Variants in PSD3 observed in about 807,000 individuals in gnomAD.
PSD3 encodes pleckstrin and Sec7 domain containing 3.
PSD3 carries 49 observed loss-of-function variants against 105.5 expected under a neutral mutation model. The observed-to-expected ratio is 0.46, with a 90% confidence interval of 0.37 to 0.59. The LOEUF is 0.59. Among genes scored for constraint, PSD3 ranks in the 20% least tolerant of loss-of-function variants. PSD3 has a pLI of 0.00. For missense variants in PSD3, 1,561 were observed against 1,263.8 expected (o/e 1.24, Z -3.57); for synonymous variants, 557 against 457.8 (o/e 1.22, Z -2.77).
intron 1 of PSD3, among the ~76,000 whole-genome samples, chr8:19,049,430 C>A (rs78731145): frequency 0.015 from 2,265 of 152,256 alleles, 39 homozygotes; most frequent in African/African-American, 0.036. Context: ...TGGCCCACAC[C>A]TGCAATCTCA....
intron 10 of PSD3, among the ~76,000 whole-genome samples, chr8:18,654,290 A>T (rs1808727620): frequency 6.6e-6 from 1 of 152,216 alleles, no homozygotes; most frequent in Non-Finnish European, 1.5e-5. Context: ...ACAGTCAACT[A>T]TTAACCCATG....
intron 4 of PSD3, among the ~76,000 whole-genome samples, chr8:18,824,617 A>T (rs1050393040): frequency 6.6e-6 from 1 of 152,240 alleles, no homozygotes; most frequent in African/African-American, 2.4e-5. Flanking sequence ...ATTCTGCGCA[A>T]TTCCCAGAAT....
chr8:18,602,868 G>A (rs1217984120), intron 11 of PSD3, among the ~76,000 whole-genome samples: 2 of 152,132 alleles, frequency 1.3e-5, no homozygotes, highest in African/African-American at 4.8e-5. Context: ...TGAATGACAA[G>A]CACTGGTCCT....
intron 1 of PSD3, among the ~76,000 whole-genome samples, chr8:19,068,570 C>T (rs138448288): frequency 3.6e-4 from 55 of 152,238 alleles, no homozygotes; most frequent in Middle Eastern, 3.4e-3. Context: ...GGATTACATG[C>T]GTGAGCCATT....
chr8:18,815,779 T>C (rs924398376), intron 4 of PSD3, among the ~76,000 whole-genome samples: 8 of 150,048 alleles, frequency 5.3e-5, no homozygotes, highest in African/African-American at 9.8e-5. Context: ...ATAACTTCAC[T>C]TTCTCTTTAT....
chr8:18,869,882 G>A (rs1817212918), intron 3 of PSD3, among the ~76,000 whole-genome samples: 1 of 152,168 alleles, frequency 6.6e-6, no homozygotes, highest in South Asian at 2.1e-4. Context: ...CAGTATCCGT[G>A]AGCCACATCT....
intron 2 of PSD3, among the ~76,000 whole-genome samples, chr8:18,904,509 T>A (rs986275556): frequency 6.6e-6 from 1 of 152,238 alleles, no homozygotes; most frequent in African/African-American, 2.4e-5. Context: ...ATGTCTTCCC[T>A]GCTGGGTTTC....
At chr8:18,814,093 A>G (rs1811994854) in intron 4 of PSD3, among the ~76,000 whole-genome samples, 1 of 152,256 alleles carries the variant, frequency 6.6e-6, no homozygotes, top group Non-Finnish European at 1.5e-5. Flanking sequence ...CCTGGAAGGG[A>G]CAGCCTCTTA....
At chr8:19,048,541 TC>T (rs202108988) in intron 1 of PSD3, among the ~76,000 whole-genome samples, 37,058 of 152,032 alleles carry the variant, frequency 0.24, 5,568 homozygotes, top group Middle Eastern at 0.38. Context: ...AGCTTGTATA[TC>T]CGTGGAAAAG....
intron 1 of PSD3, among the ~76,000 whole-genome samples, chr8:18,965,616 C>A (rs1210895969): frequency 6.6e-6 from 1 of 152,190 alleles, no homozygotes; most frequent in Non-Finnish European, 1.5e-5. Context: ...TGAGTCCCCA[C>A]AGATAGACTC....
intron 10 of PSD3, among the ~76,000 whole-genome samples, chr8:18,634,251 GA>G (rs1194343653): frequency 6.6e-6 from 1 of 151,952 alleles, no homozygotes; most frequent in Non-Finnish European, 1.5e-5. Context: ...GGTAATCAGA[GA>G]AAAACAGCCT....
intron 12 of PSD3, among the ~76,000 whole-genome samples, chr8:18,576,075 G>C (rs1193560226): frequency 1.3e-5 from 2 of 152,010 alleles, no homozygotes; most frequent in Non-Finnish European, 2.9e-5. Flanking sequence ...CCTAAAGAAA[G>C]ATATTGTCTG....
chr8:19,073,968 T>G (rs1489485788), intron 1 of PSD3, among the ~76,000 whole-genome samples: 2 of 151,950 alleles, frequency 1.3e-5, no homozygotes, highest in Non-Finnish European at 2.9e-5. Context: ...TTTTTTGTAT[T>G]TTTAGTAGAG....
chr8:18,584,552 C>G (rs1803027614), intron 12 of PSD3, among the ~76,000 whole-genome samples: 1 of 152,174 alleles, frequency 6.6e-6, no homozygotes, highest in Admixed American at 6.5e-5. Context: ...TTGTGAAGCT[C>G]AGATGGAAGA....
At chr8:18,601,211 G>C (rs75249411) in intron 11 of PSD3, among the ~76,000 whole-genome samples, 6,808 of 152,210 alleles carry the variant, frequency 0.045, 255 homozygotes, top group Middle Eastern at 0.14. Context: ...CTACTGACTT[G>C]TATAAACTCT....
chr8:18,710,975 G>A (rs554200158), intron 9 of PSD3, among the ~76,000 whole-genome samples: 48 of 151,736 alleles, frequency 3.2e-4, no homozygotes, highest in Non-Finnish European at 6.2e-4. Flanking sequence ...GAGCCACTGC[G>A]CCTGGTCTCA....
At chr8:18,998,373 C>T (rs972585077) in intron 1 of PSD3, among the ~76,000 whole-genome samples, 2 of 151,978 alleles carry the variant, frequency 1.3e-5, no homozygotes, top group African/African-American at 4.8e-5. Context: ...CTGGACCTTG[C>T]TTCACCAGAG....
At chr8:18,954,570 G>C (rs1329291710) in intron 1 of PSD3, among the ~76,000 whole-genome samples, 1 of 152,006 alleles carries the variant, frequency 6.6e-6, no homozygotes, top group Non-Finnish European at 1.5e-5. Context: ...TCACAAAAAA[G>C]AGTTCTGGTC....
At chr8:18,947,045 C>A (rs1398509474) in intron 1 of PSD3, among the ~76,000 whole-genome samples, 1 of 152,034 alleles carries the variant, frequency 6.6e-6, no homozygotes, top group Non-Finnish European at 1.5e-5. Context: ...AAGGGGATGG[C>A]TCACGTATGC....
Sources: allele counts gnomAD v4.1 joint callset (sites outside exome capture counted in the v4.1 genomes callset), GRCh38; gene constraint gnomAD v4.1.1; transcripts MANE v1.5; gene names NCBI Gene and HGNC (gene_info 2026-07-23, HGNC 2026-07-21).